MARCHF2: variants seen among roughly 807,000 people sequenced by gnomAD.
MARCHF2 encodes E3 ubiquitin-protein ligase MARCHF2.
In MARCHF2, 22 loss-of-function variants were observed where a neutral mutation model predicts 24.0. The ratio of observed to expected loss-of-function variants is 0.92; its 90% CI spans 0.66 to 1.31. The LOEUF is 1.31. Ranked by LOEUF, MARCHF2 falls within the 50% of genes most tolerant of loss-of-function variation. The probability of loss-of-function intolerance (pLI) is 0.00; values close to 1 mark genes in which losing one functional copy is unlikely to be tolerated. For synonymous variants in MARCHF2, 154 were observed against 153.0 expected (o/e 1.01, Z -0.05); for missense variants, 301 against 335.3 (o/e 0.90, Z 0.80).
intron 1 of MARCHF2, among the ~76,000 whole-genome samples, chr19:8,420,160 A>AAAAT (rs74176647): frequency 0.62 from 80,126 of 130,228 alleles, 25,501 homozygotes; most frequent in Non-Finnish European, 0.67. Context: ...TCCGTCTCAA[A>AAAAT]AAATAAATAA....
chr19:8,426,734 C>G lies in MARCHF2; in HGVS notation c.302C>G (p.Ser101Cys). The G allele has an allele frequency of 6.2e-7, 1 of 1,612,988 alleles. No individual in the cohort carries two copies. The highest frequency in any genetic ancestry group is 2.2e-5 in the East Asian group (1 of 44,876). The part of the protein sequence containing the change: ...KSCLEKWLSS[S>C]NTSYCELCHT... ...TGTCTGGAGAAGTGGCTTTCCTCAT[C>G]TAACACCAGCTACTGCGAGCTGTGC... is the stretch of plus-strand genomic sequence containing the variant. The change falls in exon 3 of 5, where the codon TCT becomes TGT. Residue 101 changes from serine (S) to cysteine (C), a missense_variant. Coordinates refer to ENST00000215555, the MANE Select transcript of MARCHF2 (RefSeq NM_001005415.2).
chr19:8,437,347 CTATTTTTT>C (rs1967753886), intron 4 of MARCHF2, among the ~76,000 whole-genome samples: 1 of 113,948 alleles, frequency 8.8e-6, no homozygotes, highest in Non-Finnish European at 1.8e-5. Flanking sequence ...ATTCATTCAC[CTATTTTTT>C]TTTTTTTTTT....
chr19:8,431,929 G>A (rs1018528558), intron 4 of MARCHF2, among the ~76,000 whole-genome samples: 1 of 152,034 alleles, frequency 6.6e-6, no homozygotes. Context: ...GGCTGAGGCA[G>A]GCGGATTCCT....
rs142074844 is a variant in MARCHF2, at chr19:8,430,824, C to T, written c.539C>T (p.Ala180Val). 9.7e-5 allele frequency: 156 copies of T among 1,610,476 alleles called. No homozygotes were observed. In the African/African-American group the frequency reaches 1.4e-3, roughly 15 times the overall value. Residue 180 changes from alanine (A) to valine (V), a missense_variant, in exon 4 of 5, where the codon GCC (alanine) becomes GTC (valine). Ala to Val is a moderately conservative substitution (Grantham distance 64, BLOSUM62 0). Coordinates refer to ENST00000215555, the MANE Select transcript of MARCHF2 (RefSeq NM_001005415.2). The surrounding 1 kb of genome is among the most constrained non-coding windows in gnomAD (Gnocchi z 4.4). The stretch of plus-strand genomic sequence containing the variant: ...CAGCTGGAGGCCGTGGGTCTCATTG[C>T]CCTCACCATCGCCCTCTTCACCATC... ...HSQLEAVGLI[A>V]LTIALFTIYV...
Position 8,422,045 on chromosome 19 carries a change from C to A in MARCHF2, c.176+29C>A, listed in dbSNP as rs141607574. 240 of 1,575,732 alleles carry A rather than the reference C, an allele frequency of 1.5e-4. 1 individual carries two copies. In the African/African-American group the frequency reaches 2.8e-3, roughly 18 times the overall value. On this transcript the variant is annotated intron_variant, in intron 2 of 4. Transcript: ENST00000215555. ...AGTGGTGACTGCGTGGATATCCTGG[C>A]CTTTGTTGCCTCTTCTCTCTGGGCG... is the stretch of plus-strand genomic sequence containing the variant.
chr19:8,435,954 G>A (rs1199274487), intron 4 of MARCHF2, among the ~76,000 whole-genome samples: 3 of 151,414 alleles, frequency 2.0e-5, no homozygotes, highest in Non-Finnish European at 4.4e-5. Flanking sequence ...AACCTCCCAG[G>A]CTCAATTGAT....
In MARCHF2 at chr19:8,421,872, G is replaced by T; in HGVS notation, c.32G>T (p.Gly11Val). The T allele has an allele frequency of 1.2e-6, 2 of 1,612,658 alleles. No individual in the cohort carries two copies. Among genetic ancestry groups the T allele is most frequent in the Non-Finnish European group, 1.7e-6 (2 of 1,179,410 alleles). MTTGDCCHLP[G>V]SLCDCSGSPA... is the part of the protein sequence containing the mutation. The stretch of plus-strand genomic sequence containing the variant: ...ACGGGTGACTGCTGCCACCTCCCCG[G>T]CTCCCTGTGTGACTGCTCCGGCAGC... The change falls in exon 2 of 5, where the codon GGC becomes GTC. Residue 11 changes from glycine (G) to valine (V), a missense_variant. Physicochemically the swap from Gly to Val is moderately radical, Grantham distance 109. Coordinates refer to ENST00000215555, the MANE Select transcript of MARCHF2 (RefSeq NM_001005415.2).
intron 1 of MARCHF2, among the ~76,000 whole-genome samples, chr19:8,420,430 G>T (rs371927372): frequency 6.6e-6 from 1 of 151,162 alleles, no homozygotes; most frequent in Non-Finnish European, 1.5e-5. Context: ...CAGCTACTTG[G>T]GGGGCTGAGG....
chr19:8,423,672 C>G (rs1254336290), intron 2 of MARCHF2: 1 of 151,948 alleles, frequency 6.6e-6, no homozygotes, highest in Non-Finnish European at 1.5e-5. Flanking sequence ...CCAACTCCAC[C>G]CCGCAGCATG....
At chr19:8,416,711 C>T (rs1009247635) in intron 1 of MARCHF2, among the ~76,000 whole-genome samples, 1 of 151,976 alleles carries the variant, frequency 6.6e-6, no homozygotes, top group Non-Finnish European at 1.5e-5. Flanking sequence ...GGATTACAGG[C>T]GCACATCACC....
At chr19:8,422,321 G>C (rs1473117697) in intron 2 of MARCHF2, among the ~76,000 whole-genome samples, 1 of 152,098 alleles carries the variant, frequency 6.6e-6, no homozygotes, top group Non-Finnish European at 1.5e-5. Context: ...TGGGCTCAGT[G>C]CCTCGGCCCT....
At chr19:8,420,160 AAAAT>A (rs74176647) in intron 1 of MARCHF2, among the ~76,000 whole-genome samples, 5,232 of 130,458 alleles carry the variant, frequency 0.04, 270 homozygotes, top group African/African-American at 0.13. Flanking sequence ...TCCGTCTCAA[AAAAT>A]AAATAAATAA....
At chr19:8,421,755 C>A (rs1315195849) in intron 1 of MARCHF2, 34 bp from the exon 2 acceptor site, 2 of 1,307,374 alleles carry the variant, frequency 1.5e-6, no homozygotes, top group Non-Finnish European at 2.1e-6. Context: ...GCTCATTAAC[C>A]TTGCCCCTAA....
intron 4 of MARCHF2, among the ~76,000 whole-genome samples, chr19:8,431,888 G>A (rs1474977101): frequency 1.3e-5 from 2 of 151,654 alleles, no homozygotes; most frequent in Non-Finnish European, 2.9e-5. Context: ...CAGGTGCGGT[G>A]GCTCATGCCT....
At chr19:8,416,118 C>G (rs141428049) in intron 1 of MARCHF2, among the ~76,000 whole-genome samples, 1 of 151,802 alleles carries the variant, frequency 6.6e-6, no homozygotes, top group Non-Finnish European at 1.5e-5. Context: ...CTGAGGTGGG[C>G]GGATCACGAG....
chr19:8,426,945 T>C, intron 3 of MARCHF2, 141 bp downstream of exon 3: 1 of 695,950 alleles, frequency 1.4e-6, no homozygotes, highest in Non-Finnish European at 2.4e-6. Context: ...GTGGGTCTGC[T>C]GATGGTGTGT....
In MARCHF2 at chr19:8,438,727, G is replaced by T; in HGVS notation, c.*181G>T. ...GTGATCCTGTGTGAAGATATTTTCAGGGTTTTTTTTTTTTTTTTTTTGCAT... is the reference window on the plus strand; with the variant it reads ...GTGATCCTGTGTGAAGATATTTTCATGGTTTTTTTTTTTTTTTTTTTGCAT... On this transcript the variant is annotated 3_prime_UTR_variant, in exon 5 of 5. Transcript: ENST00000215555. 1.8e-6 allele frequency: 1 copy of T among 548,644 alleles called. No homozygotes were observed. Among genetic ancestry groups the T allele is most frequent in the Non-Finnish European group, 3.1e-6 (1 of 322,826 alleles). The allele number at this position is 548,644 out of a possible 1,614,324, so 34.0% of individuals were successfully genotyped here.
At position 8,430,880 on chromosome 19, in the gene MARCHF2, G is replaced by A; in HGVS notation, c.582+13G>A. ...CCTCTGGACGCTGGTGAGTGGCTGT[G>A]GTTGTGCAGCACGCGTCTCGAGCTC... On this transcript the variant is annotated intron_variant, in intron 4 of 4. Coordinates refer to ENST00000215555, the MANE Select transcript of MARCHF2 (RefSeq NM_001005415.2). The surrounding 1 kb of genome is among the most constrained non-coding windows in gnomAD (Gnocchi z 4.4). 1.3e-6 allele frequency: 2 copies of A among 1,576,728 alleles called. No homozygotes were observed. Among genetic ancestry groups the A allele is most frequent in the South Asian group, 1.1e-5 (1 of 88,030 alleles).
intron 3 of MARCHF2, among the ~76,000 whole-genome samples, chr19:8,428,679 A>C (rs12460820): frequency 0.23 from 29,138 of 128,040 alleles, 2,959 homozygotes; most frequent in Admixed American, 0.26. Context: ...AAAAAAAAAA[A>C]AAAACCAAGG....
Sources: allele counts gnomAD v4.1 joint callset (sites outside exome capture counted in the v4.1 genomes callset), GRCh38; gene constraint gnomAD v4.1.1; non-coding constraint Gnocchi (gnomAD v3.1); transcripts MANE v1.5; gene names NCBI Gene and HGNC (gene_info 2026-07-23, HGNC 2026-07-21).